ZP3: variants seen among roughly 807,000 people sequenced by gnomAD.
The protein encoded by ZP3 is zona pellucida sperm-binding protein 3.
In ZP3, 21 loss-of-function variants were observed where a neutral mutation model predicts 35.6. That is an observed-to-expected ratio of 0.59 (90% CI 0.42 to 0.85). The LOEUF is 0.85. ZP3 is among the 40% of genes least tolerant of loss of function. The pLI, the probability that ZP3 is intolerant of heterozygous loss-of-function variation, is 0.00. For synonymous variants in ZP3, 207 were observed against 214.5 expected, an observed-to-expected ratio of 0.96 and a Z score of 0.31; for missense variants, 437 against 536.5, an observed-to-expected ratio of 0.81 and a Z score of 1.83.
chr7:76,401,583 A>T (rs111797642), intron 1 of ZP3, among the ~76,000 whole-genome samples: 9 of 152,010 alleles, frequency 5.9e-5, no homozygotes, highest in Non-Finnish European at 1.3e-4. Flanking sequence ...AGTCCAGCTA[A>T]TTTTTGTATT....
intron 1 of ZP3, among the ~76,000 whole-genome samples, chr7:76,403,157 C>T (rs368255391): frequency 3.3e-5 from 5 of 152,082 alleles, no homozygotes; most frequent in African/African-American, 7.2e-5. Context: ...GTTCTGAGCA[C>T]GATGCTTGAG....
At position 76,431,429 on chromosome 7, in the gene ZP3, C is replaced by T. The variant is rs117292048; in HGVS notation, c.432-1498C>T. On this transcript the variant is annotated intron_variant, in intron 2 of 7. Coordinates refer to ENST00000394857, the MANE Select transcript of ZP3 (RefSeq NM_001110354.2). The stretch of plus-strand genomic sequence containing the variant: ...TTAACCTGGCTCCAGATACCTGAGT[C>T]TGGTTATCAATAGATGCATCCATCA... Among the ~76,000 whole-genome samples, 53 of 152,296 alleles carry T rather than the reference C, an allele frequency of 3.5e-4. No homozygotes were observed. In the East Asian group the frequency reaches 0.01, roughly 29 times the overall value.
intron 5 of ZP3, among the ~76,000 whole-genome samples, chr7:76,436,757 G>C (rs1277668343): frequency 6.6e-6 from 1 of 152,260 alleles, no homozygotes; most frequent in African/African-American, 2.4e-5. Flanking sequence ...GAGGATCCTG[G>C]TTGTGGGAGG....
At chr7:76,409,326 CACACACACA>C (rs1563689248) in intron 1 of ZP3, 18 of 2,090 alleles carry the variant, frequency 8.6e-3, no homozygotes, top group African/African-American at 0.014. Context: ...CTCTGTCTCA[CACACACACA>C]CACACACACA....
At chr7:76,403,254 G>A (rs1804886463) in intron 1 of ZP3, among the ~76,000 whole-genome samples, 2 of 152,108 alleles carry the variant, frequency 1.3e-5, no homozygotes, top group Admixed American at 6.6e-5. Flanking sequence ...CTTGTGGTCC[G>A]AGTATGACAG....
intron 1 of ZP3, among the ~76,000 whole-genome samples, chr7:76,427,154 T>A (rs926867880): frequency 5.3e-5 from 8 of 152,230 alleles, no homozygotes; most frequent in South Asian, 2.1e-4. Context: ...CTCAGGTGAC[T>A]CCAATGAGGA....
At chr7:76,407,313 T>C (rs1805069065) in intron 1 of ZP3, among the ~76,000 whole-genome samples, 2 of 151,246 alleles carry the variant, frequency 1.3e-5, no homozygotes, top group Admixed American at 1.3e-4. Flanking sequence ...TGTGAGCACT[T>C]TGGGAAGCTG....
intron 5 of ZP3, among the ~76,000 whole-genome samples, chr7:76,437,038 G>T (rs1411359695): frequency 2.0e-5 from 3 of 151,870 alleles, no homozygotes; most frequent in African/African-American, 7.3e-5. Context: ...CAATAGGGTG[G>T]CTGGGCACGG....
At chr7:76,423,021 GAGAGAGAAAGAAAGAAAGAAAGAAAGAA>G (rs1161305312), upstream of ZP3, among the ~76,000 whole-genome samples, 2 of 72,748 alleles carry the variant, frequency 2.7e-5, no homozygotes, top group Non-Finnish European at 5.3e-5. Flanking sequence ...GAGAGAGAGA[GAGAGAGAAAGAAAGAAAGAAAGAAAGAA>G]AGAAAGAAAG....
chr7:76,414,618 G>A (rs561047410), intron 1 of ZP3, among the ~76,000 whole-genome samples: 1 of 149,548 alleles, frequency 6.7e-6, no homozygotes, highest in Non-Finnish European at 1.5e-5. Flanking sequence ...AGGACAGTTA[G>A]GAAAAGACCT....
rs1429178532 is a variant in ZP3, at chr7:76,433,851, A to G, written c.714-187A>G. ...GTAGCTGAGATTACAGGTGCCCATC[A>G]CCATGCCTGGCTAATTTTTGTATTT... On this transcript the variant is annotated intron_variant, in intron 4 of 7. Coordinates refer to ENST00000394857, the MANE Select transcript of ZP3 (RefSeq NM_001110354.2). 4.4e-6 allele frequency: 5 copies of G among 1,138,254 alleles called. No individual in the cohort carries two copies. In the Admixed American group the frequency reaches 7.3e-5, roughly 17 times the overall value. 70.5% of individuals were successfully genotyped at this position (1,138,254 alleles called of 1,614,324 possible). A position where few individuals can be genotyped will look rare whatever the true frequency, so the allele number is the denominator to read the frequency against.
intron 1 of ZP3, among the ~76,000 whole-genome samples, chr7:76,398,398 G>A (rs759663038): frequency 6.0e-5 from 9 of 149,318 alleles, no homozygotes; most frequent in East Asian, 2.0e-4. Context: ...TCTGCCTCCC[G>A]GGTTCAAGTG....
At position 76,430,378 on chromosome 7, in the gene ZP3, T is replaced by G. The variant is rs537221084; in HGVS notation, c.431+745T>G. Among the ~76,000 whole-genome samples the G allele has an allele frequency of 2.0e-5, 3 of 152,264 alleles. 1 individual carries two copies. The South Asian group carries it at 6.2e-4, about 32-fold the overall frequency. On this transcript the variant is annotated intron_variant, in intron 2 of 7. Coordinates refer to ENST00000394857, the MANE Select transcript of ZP3 (RefSeq NM_001110354.2). ...CTCCCAAGGACAACACTGGGTCCTG[T>G]GCTGGCCTCAGCATGGGGTGCAGGG...
intron 1 of ZP3, among the ~76,000 whole-genome samples, chr7:76,419,269 C>A (rs1386973579): frequency 6.6e-6 from 1 of 152,160 alleles, no homozygotes; most frequent in Non-Finnish European, 1.5e-5. Flanking sequence ...TTTTCCAGCT[C>A]ACTCTGCCCT....
intron 2 of ZP3, among the ~76,000 whole-genome samples, chr7:76,430,279 C>T (rs975243493): frequency 6.6e-6 from 1 of 152,170 alleles, no homozygotes; most frequent in Non-Finnish European, 1.5e-5. Flanking sequence ...GCCTACTCTT[C>T]TGTGGTCCTC....
intron 2 of ZP3, among the ~76,000 whole-genome samples, chr7:76,429,898 G>A (rs536591979): frequency 1.2e-4 from 19 of 152,238 alleles, no homozygotes; most frequent in African/African-American, 4.3e-4. Context: ...TGCCAGCCTC[G>A]GCCCTTAGGG....
At chr7:76,404,623 T>G in intron 1 of ZP3, 2 of 788,124 alleles carry the variant, frequency 2.5e-6, no homozygotes, top group Non-Finnish European at 4.0e-6. Flanking sequence ...GAGACCCCCA[T>G]CTCTACAAAA....
intron 1 of ZP3, among the ~76,000 whole-genome samples, chr7:76,417,715 G>C (rs1308176232): frequency 1.3e-5 from 2 of 149,942 alleles, no homozygotes; most frequent in Admixed American, 6.7e-5. Context: ...GGACTCAAGT[G>C]ATCCTCCCAC....
At chr7:76,423,025 G>GAGAGAGAGAGAGAGAGAGAGAAAGAA, upstream of ZP3, among the ~76,000 whole-genome samples, 1 of 75,852 alleles carries the variant, frequency 1.3e-5, no homozygotes, top group African/African-American at 4.9e-5. Context: ...GAGAGAGAGA[G>GAGAGAGAGAGAGAGAGAGAGAAAGAA]AGAAAGAAAG....
Sources: allele counts gnomAD v4.1 joint callset (sites outside exome capture counted in the v4.1 genomes callset), GRCh38; gene constraint gnomAD v4.1.1; transcripts MANE v1.5; gene names NCBI Gene and HGNC (gene_info 2026-07-23, HGNC 2026-07-21).